Variants in MED12L observed in about 807,000 individuals in gnomAD.
The protein encoded by MED12L is mediator of RNA polymerase II transcription subunit 12-like protein.
MED12L carries 60 observed loss-of-function variants against 281.3 expected under a neutral mutation model. The observed-to-expected ratio is 0.21, with a 90% CI of 0.17 to 0.26. The LOEUF is 0.26. Among genes scored for constraint, MED12L ranks in the 10% least tolerant of loss-of-function variants. MED12L has a pLI of 1.00. For synonymous variants in MED12L, 974 were observed against 987.2 expected, an observed-to-expected ratio of 0.99 and a Z score of 0.25; for missense variants, 2,146 against 2,680.9, an observed-to-expected ratio of 0.80 and a Z score of 4.41.
chr3:151,382,750 G>A lies in MED12L; in HGVS notation c.4680+5G>A. Reference sequence around the variant, plus strand: ...TTGCAACTCCGCCTAAATTTGGTAAGTGACATTTCTAGTATTTTCCCTCCA... The same window carrying A: ...TTGCAACTCCGCCTAAATTTGGTAAATGACATTTCTAGTATTTTCCCTCCA... On this transcript the variant is annotated splice_donor_5th_base_variant and intron_variant, in intron 33 of 44. Coordinates refer to ENST00000687756, the MANE Select transcript of MED12L (RefSeq NM_001393769.1). 1 of 1,604,762 alleles carries A rather than the reference G, an allele frequency of 6.2e-7. No individual in the cohort carries two copies. The highest frequency in any genetic ancestry group is 2.3e-5 in the East Asian group (1 of 44,294).
At chr3:151,313,787 G>A (rs915201388) in intron 16 of MED12L, among the ~76,000 whole-genome samples, 6 of 152,022 alleles carry the variant, frequency 3.9e-5, no homozygotes, top group Non-Finnish European at 8.8e-5. Flanking sequence ...GAGGTTACAT[G>A]GTGGTGGGCG....
chr3:151,246,518 G>A (rs1005835432), intron 16 of MED12L, among the ~76,000 whole-genome samples: 7 of 152,062 alleles, frequency 4.6e-5, no homozygotes, highest in Non-Finnish European at 8.8e-5. Flanking sequence ...CAAGCAATGG[G>A]GAAAGGATTC....
At chr3:151,240,060 T>G (rs1340815375) in intron 16 of MED12L, among the ~76,000 whole-genome samples, 2 of 151,522 alleles carry the variant, frequency 1.3e-5, no homozygotes, top group Non-Finnish European at 1.5e-5. Flanking sequence ...TGTGTGTGTG[T>G]GTATGGCCAC....
chr3:151,355,263 A>C, intron 18 of MED12L, 24 bp downstream of exon 18: 1 of 1,515,908 alleles, frequency 6.6e-7, no homozygotes. Context: ...GCTGTTTATT[A>C]TGCATTTGCA....
intron 16 of MED12L, among the ~76,000 whole-genome samples, chr3:151,250,757 A>G (rs1736697707): frequency 6.6e-6 from 1 of 152,114 alleles, no homozygotes; most frequent in Non-Finnish European, 1.5e-5. Context: ...TTAAGACCCT[A>G]CTTTCAGTTC....
At chr3:151,411,218 T>C (rs1716893704) in intron 40 of MED12L, 60 bp from the exon 41 acceptor site, 4 of 1,451,780 alleles carry the variant, frequency 2.8e-6, no homozygotes, top group Non-Finnish European at 2.9e-6. Flanking sequence ...TATATCGTAG[T>C]GATGGGAAAG....
intron 16 of MED12L, among the ~76,000 whole-genome samples, chr3:151,260,489 G>A (rs7621183): frequency 0.48 from 72,377 of 151,864 alleles, 17,392 homozygotes; most frequent in Middle Eastern, 0.66. Context: ...AGCTGGGACT[G>A]CAGGCGTGTA....
intron 16 of MED12L, among the ~76,000 whole-genome samples, chr3:151,214,992 CT>C (rs1384106337): frequency 6.6e-6 from 1 of 151,994 alleles, no homozygotes; most frequent in Non-Finnish European, 1.5e-5. Context: ...ACGGACCTTA[CT>C]TTTAGAAAAG....
Position 151,367,730 on chromosome 3 carries a change from G to A in MED12L, c.3412G>A (p.Val1138Met), listed in dbSNP as rs765305359. Reference sequence around the variant, plus strand: ...ACAGTGTTTTTCCCTGGAGGACGTCGTGCAGCATGTCGCACTTCCCTCTCT... The same window carrying A: ...ACAGTGTTTTTCCCTGGAGGACGTCATGCAGCATGTCGCACTTCCCTCTCT... Reference protein sequence around the residue: ...ARQCFSLEDVVQHVALPSLLA... With the variant: ...ARQCFSLEDVMQHVALPSLLA... The change falls in exon 24 of 45, where the codon GTG becomes ATG. Residue 1138 changes from valine (V) to methionine (M), a missense_variant. Physicochemically the swap from Val to Met is conservative, Grantham distance 21. Coordinates refer to ENST00000687756, the MANE Select transcript of MED12L (RefSeq NM_001393769.1). The A allele has an allele frequency of 1.2e-5, 20 of 1,611,046 alleles. No individual in the cohort carries two copies. The highest frequency in any genetic ancestry group is 1.4e-5 in the Non-Finnish European group (16 of 1,178,076).
intron 8 of MED12L, among the ~76,000 whole-genome samples, chr3:151,160,920 A>T (rs577014924): frequency 3.0e-4 from 45 of 152,334 alleles, no homozygotes; most frequent in African/African-American, 1.1e-3. Context: ...AAGTAAAAAG[A>T]AGTAGTAAAA....
intron 5 of MED12L, among the ~76,000 whole-genome samples, chr3:151,149,892 T>G (rs1022890471): frequency 3.3e-5 from 5 of 152,344 alleles, no homozygotes; most frequent in South Asian, 4.1e-4. Flanking sequence ...ACTGGGAGGT[T>G]GCAGCAATTC....
At chr3:151,115,035 C>T (rs1025238238) in intron 2 of MED12L, among the ~76,000 whole-genome samples, 13 of 152,188 alleles carry the variant, frequency 8.5e-5, no homozygotes, top group Non-Finnish European at 1.2e-4. Context: ...ATCTGTACAA[C>T]GGGCATGAAG....
intron 39 of MED12L, among the ~76,000 whole-genome samples, chr3:151,399,979 ACC>A: frequency 6.6e-6 from 1 of 151,880 alleles, no homozygotes; most frequent in South Asian, 2.1e-4. Flanking sequence ...GGCATGCACC[ACC>A]CCGCCTGGCT....
At chr3:151,257,391 T>A (rs2149480753) in intron 16 of MED12L, among the ~76,000 whole-genome samples, 1 of 152,390 alleles carries the variant, frequency 6.6e-6, no homozygotes, top group East Asian at 1.9e-4. Context: ...TCTGAATGAT[T>A]AAGAGCATTG....
intron 2 of MED12L, among the ~76,000 whole-genome samples, chr3:151,098,178 T>A (rs1392884794): frequency 1.3e-5 from 2 of 152,172 alleles, no homozygotes; most frequent in African/African-American, 2.4e-5. Context: ...TTGGGTATTA[T>A]GGTGGAGGAA....
At chr3:151,411,568 C>T (rs1018446798) in intron 41 of MED12L, 61 bp downstream of exon 41, 15 of 1,419,872 alleles carry the variant, frequency 1.1e-5, no homozygotes, top group Admixed American at 1.7e-5. Flanking sequence ...GTTTCTTATG[C>T]TTCTTATAGG....
At chr3:151,192,734 C>T (rs929291598) in intron 15 of MED12L, 80 bp downstream of exon 15, 3 of 844,194 alleles carry the variant, frequency 3.6e-6, no homozygotes, top group Non-Finnish European at 5.8e-6. Context: ...CTTCTGTGTT[C>T]TCAGAATGAC....
chr3:151,294,793 C>T, intron 16 of MED12L: 1 of 1,614,124 alleles, frequency 6.2e-7, no homozygotes, highest in Non-Finnish European at 8.5e-7. Context: ...TGCTGTACAT[C>T]CGAGAGTCCC....
chr3:151,101,838 C>A (rs373257253), intron 2 of MED12L, among the ~76,000 whole-genome samples: 3 of 151,940 alleles, frequency 2.0e-5, no homozygotes, highest in Non-Finnish European at 4.4e-5. Flanking sequence ...GTAACCAAAG[C>A]GTGAAGTAAA....
Sources: allele counts gnomAD v4.1 joint callset (sites outside exome capture counted in the v4.1 genomes callset), GRCh38; gene constraint gnomAD v4.1.1; transcripts MANE v1.5; gene names NCBI Gene and HGNC (gene_info 2026-07-23, HGNC 2026-07-21).